Variants in PKD1L3 observed in about 807,000 individuals in gnomAD.
The protein encoded by PKD1L3 is polycystin-1-like protein 3.
In PKD1L3, 239 loss-of-function variants were observed where a neutral mutation model predicts 184.1. The ratio of observed to expected loss-of-function variants is 1.30; its 90% CI spans 1.17 to 1.45. The LOEUF (loss-of-function observed/expected upper bound fraction) is 1.45. PKD1L3 is among the 40% of genes most tolerant of loss of function. The pLI, the probability that PKD1L3 is intolerant of heterozygous loss-of-function variation, is 0.00. For synonymous variants in PKD1L3, 996 were observed against 778.8 expected, an observed-to-expected ratio of 1.28 and a Z score of -4.64; for missense variants, 2,660 against 2,067.2, an observed-to-expected ratio of 1.29 and a Z score of -5.56.
Position 71,986,370 on chromosome 16 carries a change from G to C in PKD1L3, c.685C>G (p.Leu229Val), listed in dbSNP as rs963315868. The change falls in exon 5 of 30, where the codon CTC becomes GTC. Residue 229 changes from leucine (L) to valine (V), a missense_variant. Physicochemically the swap from Leu to Val is conservative, Grantham distance 32. Coordinates refer to ENST00000620267, the MANE Select transcript of PKD1L3 (RefSeq NM_181536.2). Reference protein sequence around the residue: ...SAASEPSSQPLPVITQLTMPV... With the variant: ...SAASEPSSQPVPVITQLTMPV... ...ATGGTGAGCTGTGTTATCACAGGGAGAGGCTGGCTGCTGGGTTCAGATGCG... is the reference window on the plus strand; with the variant it reads ...ATGGTGAGCTGTGTTATCACAGGGACAGGCTGGCTGCTGGGTTCAGATGCG... 1.3e-5 allele frequency: 20 copies of C among 1,551,352 alleles called. No individual in the cohort carries two copies. Among genetic ancestry groups the C allele is most frequent in the Non-Finnish European group, 1.7e-5 (19 of 1,146,514 alleles).
chr16:71,986,652 G>C (rs1428559762), intron 4 of PKD1L3, among the ~76,000 whole-genome samples, 183 bp from the exon 5 acceptor site: 1 of 152,044 alleles, frequency 6.6e-6, no homozygotes, highest in Non-Finnish European at 1.5e-5. Context: ...TATTACTTGA[G>C]ATTCATGATT....
chr16:71,931,463 C>CTTTTTTTTTTT (rs11405919), intron 28 of PKD1L3, among the ~76,000 whole-genome samples: 1 of 115,920 alleles, frequency 8.6e-6, no homozygotes, highest in African/African-American at 3.4e-5. Context: ...TTCTCCCCCA[C>CTTTTTTTTTTT]TTTTTTTTTT....
intron 3 of PKD1L3, among the ~76,000 whole-genome samples, chr16:71,990,744 C>CA (rs1042603333): frequency 2.1e-4 from 31 of 146,218 alleles, no homozygotes; most frequent in South Asian, 6.5e-4. Context: ...CACCCCCTGC[C>CA]AAAAAAAAAT....
intron 28 of PKD1L3, 90 bp downstream of exon 28, chr16:71,933,330 G>T: frequency 1.1e-6 from 1 of 922,816 alleles, no homozygotes. Context: ...AGTGTGCAGT[G>T]TACAGTAGGG....
intron 24 of PKD1L3, among the ~76,000 whole-genome samples, chr16:71,941,685 A>C (rs928473268): frequency 2.7e-5 from 4 of 150,048 alleles, no homozygotes; most frequent in Non-Finnish European, 4.4e-5. Context: ...CCTGGGTTCA[A>C]GCGATTCTTC....
At chr16:71,947,372 G>T in intron 22 of PKD1L3, 120 bp downstream of exon 22, 1 of 663,082 alleles carries the variant, frequency 1.5e-6, no homozygotes, top group Non-Finnish European at 2.6e-6. Context: ...CAGAAAAGGA[G>T]AAATAACCAG....
At chr16:71,996,411 C>G (rs1326743060) in intron 2 of PKD1L3, among the ~76,000 whole-genome samples, 1 of 152,024 alleles carries the variant, frequency 6.6e-6, no homozygotes, top group Non-Finnish European at 1.5e-5. Context: ...CAGGTGCACA[C>G]CACCACGCCT....
intron 22 of PKD1L3, among the ~76,000 whole-genome samples, chr16:71,946,661 G>A (rs2143297884): frequency 6.6e-6 from 1 of 150,612 alleles, no homozygotes; most frequent in South Asian, 2.1e-4. Context: ...GACTTTTTCA[G>A]AGAATGCTGA....
intron 19 of PKD1L3, 61 bp downstream of exon 19, chr16:71,951,503 A>T (rs2038832621): frequency 1.7e-5 from 25 of 1,451,902 alleles, no homozygotes; most frequent in Non-Finnish European, 2.2e-5. Flanking sequence ...AGAAAGTAAG[A>T]CATATGCAAG....
chr16:71,933,699 T>G (rs2038072753), intron 27 of PKD1L3, among the ~76,000 whole-genome samples, 178 bp from the exon 28 acceptor site: 1 of 152,196 alleles, frequency 6.6e-6, no homozygotes, highest in Admixed American at 6.5e-5. Flanking sequence ...AGAAGTTTAT[T>G]TGACCTTTAT....
rs1216088180 is a variant in PKD1L3 at position 71,940,558 on chromosome 16, G to A, written c.4324+2002C>T. Among the ~76,000 whole-genome samples, 5 of 151,916 alleles carry A rather than the reference G, an allele frequency of 3.3e-5. No individual in the cohort carries two copies. The East Asian group carries it at 9.7e-4, about 29-fold the overall frequency. ...TCTGTCCCCCAGGCTGGAGTGCAGT[G>A]GCACGATCTCAGCTCACTGCAACCT... On this transcript the variant is annotated intron_variant, in intron 24 of 29. Coordinates refer to ENST00000620267, the MANE Select transcript of PKD1L3 (RefSeq NM_181536.2).
chr16:71,961,975 A>T (rs986814329), intron 16 of PKD1L3, among the ~76,000 whole-genome samples: 1 of 152,200 alleles, frequency 6.6e-6, no homozygotes, highest in South Asian at 2.1e-4. Flanking sequence ...CTGAGGCTGG[A>T]GCACAGTGGC....
intron 26 of PKD1L3, among the ~76,000 whole-genome samples, chr16:71,934,876 CAT>C (rs961556259): frequency 6.6e-5 from 10 of 152,312 alleles, no homozygotes; most frequent in Admixed American, 3.9e-4. Context: ...GCATGGGAAA[CAT>C]AGATGTTCCT....
At chr16:71,939,377 A>G (rs879444434) in intron 24 of PKD1L3, among the ~76,000 whole-genome samples, 24 of 152,240 alleles carry the variant, frequency 1.6e-4, no homozygotes, top group Non-Finnish European at 2.9e-4. Flanking sequence ...GAACGAGCAC[A>G]GTGGCTGCAA....
Position 71,993,114 on chromosome 16 carries a change from C to T in PKD1L3, c.535+102G>A, listed in dbSNP as rs1260631916. ...AGAATAGAATGCAACGAATATTGGG[C>T]ACATGTTATAACACATTTCAGCATT... On this transcript the variant is annotated intron_variant, in intron 3 of 29. Coordinates refer to ENST00000620267, the MANE Select transcript of PKD1L3 (RefSeq NM_181536.2). The T allele has an allele frequency of 3.8e-6, 3 of 795,678 alleles. No individual in the cohort carries two copies. In the East Asian group the frequency reaches 8.7e-5, roughly 23 times the overall value. The allele number at this position is 795,678 out of a possible 1,614,324, so 49.3% of individuals were successfully genotyped here. A position where few individuals can be genotyped will look rare whatever the true frequency, so the allele number is the denominator to read the frequency against.
chr16:71,993,048 T>G (rs1340772258), intron 3 of PKD1L3, among the ~76,000 whole-genome samples, 168 bp downstream of exon 3: 1 of 152,140 alleles, frequency 6.6e-6, no homozygotes, highest in East Asian at 1.9e-4. Context: ...AGAAAACACA[T>G]ACATAAAATG....
chr16:71,932,525 G>C (rs1455422558), intron 28 of PKD1L3, among the ~76,000 whole-genome samples: 1 of 151,842 alleles, frequency 6.6e-6, no homozygotes, highest in Non-Finnish European at 1.5e-5. Context: ...CCAGGCTGGA[G>C]TGCAGTGGCA....
At chr16:71,965,721 T>G (rs2039478301) in intron 15 of PKD1L3, among the ~76,000 whole-genome samples, 1 of 151,982 alleles carries the variant, frequency 6.6e-6, no homozygotes, top group Non-Finnish European at 1.5e-5. Flanking sequence ...GCCCGGCTAA[T>G]TTTTGTATTT....
At chr16:71,973,297 G>C (rs929353694) in intron 12 of PKD1L3, 27 bp downstream of exon 12, 5 of 1,547,370 alleles carry the variant, frequency 3.2e-6, no homozygotes, top group Non-Finnish European at 4.4e-6. Flanking sequence ...GCAGAAGAGA[G>C]GCCCAAGAAG....
Sources: gnomAD v4.1 joint callset for allele counts (sites outside exome capture counted in the v4.1 genomes callset) on GRCh38, gnomAD v4.1.1 for gene constraint, MANE v1.5 for transcripts, NCBI Gene and HGNC (gene_info 2026-07-23, HGNC 2026-07-21) for gene names.